The following PRR35 variants were observed in gnomAD, a reference collection of about 807,000 sequenced individuals.
PRR35 encodes proline rich 35, also known as proline-rich protein 35.
A neutral mutation model predicts 18.6 loss-of-function variants in PRR35; 14 were observed. The ratio of observed to expected loss-of-function variants is 0.75; its 90% CI spans 0.50 to 1.18. The LOEUF (loss-of-function observed/expected upper bound fraction) is 1.18, where lower values mean the gene tolerates loss of function less well. Among genes scored for constraint, PRR35 ranks in the 50% most tolerant of loss-of-function variants. The pLI, the probability that PRR35 is intolerant of heterozygous loss-of-function variation, is 0.00. For synonymous variants in PRR35, 425 were observed against 378.2 expected (o/e 1.12, Z -1.43); for missense variants, 832 against 792.2 (o/e 1.05, Z -0.60).
rs202190643 is a variant in PRR35 at position 563,341 on chromosome 16, C to T, written c.47C>T (p.Ala16Val). Reference protein sequence around the residue: ...GSCRVGTGARARSRKPKKPHY... With the variant: ...GSCRVGTGARVRSRKPKKPHY... ...TGCCGCGTGGGCACAGGGGCGAGGG[C>T]GCGGTCTCGGAAGCCCAAGAAGCCA... The change falls in exon 2 of 3, where the codon GCG becomes GTG. Residue 16 changes from alanine to valine, a missense_variant. Transcript: ENST00000409413. The T allele has an allele frequency of 1.4e-4, 229 of 1,611,794 alleles. No individual in the cohort carries two copies. The African/African-American group carries it at 2.5e-3, about 18-fold the overall frequency.
rs1386850354 is a variant in PRR35 at position 565,181 on chromosome 16, C to A, written c.1590C>A (p.Leu530=). The A allele has an allele frequency of 6.2e-7, 1 of 1,610,790 alleles. No individual in the cohort carries two copies. Among genetic ancestry groups the A allele is most frequent in the East Asian group, 2.2e-5 (1 of 44,820 alleles). Residue 530 remains leucine, a synonymous_variant, in exon 3 of 3, where the codon CTC becomes CTA. Coordinates refer to ENST00000409413, the MANE Select transcript of PRR35 (RefSeq NM_145270.3). ...ACTCCAGCGTCCCACCCCCAGGGCT[C>A]CCCCTCGCAGCCCCAGATGACCCTG... ...EADSSVPPPG[L]PLAAPDDPVI... is the part of the protein sequence containing the mutation.
chr16:560,040 G>A (rs1366601820), upstream of PRR35, among the ~76,000 whole-genome samples: 2 of 152,058 alleles, frequency 1.3e-5, no homozygotes, highest in East Asian at 3.9e-4. Context: ...ATCACGCCGC[G>A]GCGGGGACCC....
chr16:564,023 G>GC lies in PRR35; in HGVS notation c.734dup (p.Ala246GlyfsTer88). 2 of 1,586,052 alleles carry GC rather than the reference G, an allele frequency of 1.3e-6. No individual in the cohort carries two copies. Among genetic ancestry groups the GC allele is most frequent in the Non-Finnish European group, 1.7e-6 (2 of 1,170,770 alleles). Reference sequence around the variant, plus strand: ...TCCTGGCCTCGGCCAGCCCCCTGCTGCCCCCGGCCACGGCCTTCCCAGCCG... The same window carrying GC: ...TCCTGGCCTCGGCCAGCCCCCTGCTGCCCCCCGGCCACGGCCTTCCCAGCCG... On this transcript the variant is annotated frameshift_variant, in exon 2 of 3. Coordinates refer to ENST00000409413, the MANE Select transcript of PRR35 (RefSeq NM_145270.3). LOFTEE classifies it high-confidence loss of function.
chr16:561,112 T>A (rs1382931273), intron 1 of PRR35, among the ~76,000 whole-genome samples: 1 of 152,078 alleles, frequency 6.6e-6, no homozygotes, highest in African/African-American at 2.4e-5. Context: ...GGCTGCTGGC[T>A]GCCCCGGGAG....
chr16:565,479 A>G lies in PRR35; in HGVS notation c.*172A>G, dbSNP rs1237008628. 3.4e-6 allele frequency: 2 copies of G among 593,714 alleles called. No individual in the cohort carries two copies. Among genetic ancestry groups the G allele is most frequent in the East Asian group, 6.6e-5 (2 of 30,268 alleles). The allele number at this position is 593,714 out of a possible 1,614,324, so 36.8% of individuals were successfully genotyped here. On this transcript the variant is annotated 3_prime_UTR_variant, in exon 3 of 3. Transcript: ENST00000409413. ...GGGCCACACAGGGACACTGGAGGTC[A>G]CAGTTATTTATTGATCACAATTGTG...
chr16:565,192 C>A lies in PRR35; in HGVS notation c.1601C>A (p.Ala534Asp). The change falls in exon 3 of 3, where the codon GCC (alanine) becomes GAC (aspartate). Residue 534 changes from alanine (A) to aspartate (D), a missense_variant. Ala to Asp is a moderately radical substitution (Grantham distance 126). Around this residue, in one of 3 missense-constraint regions of PRR35, gnomAD observed 768 missense variants for 704.1 expected, o/e 1.09. Coordinates refer to ENST00000409413, the MANE Select transcript of PRR35 (RefSeq NM_145270.3). ...CCACCCCCAGGGCTCCCCCTCGCAG[C>A]CCCAGATGACCCTGTCATTCCTGGC... is the stretch of plus-strand genomic sequence containing the variant. Reference protein sequence around the residue: ...SVPPPGLPLAAPDDPVIPGSG... With the variant: ...SVPPPGLPLADPDDPVIPGSG... 6.2e-7 allele frequency: 1 copy of A among 1,610,944 alleles called. No individual in the cohort carries two copies. Among genetic ancestry groups the A allele is most frequent in the Non-Finnish European group, 8.5e-7 (1 of 1,179,118 alleles).
At chr16:560,158 T>C (rs2035409138), upstream of PRR35, among the ~76,000 whole-genome samples, 1 of 150,798 alleles carries the variant, frequency 6.6e-6, no homozygotes, top group Non-Finnish European at 1.5e-5. Flanking sequence ...CAGTCCGCTC[T>C]CCGTCCGCTG....
chr16:563,447 C>T lies in PRR35; in HGVS notation c.153C>T (p.His51=). 1.2e-6 allele frequency: 2 copies of T among 1,612,592 alleles called. No homozygotes were observed. Among genetic ancestry groups the T allele is most frequent in the Non-Finnish European group, 1.7e-6 (2 of 1,179,670 alleles). ...QCPFTCLEKS[H]LYNHMKYSLC... is the part of the protein sequence containing the mutation. ...CCTTCACCTGCCTGGAGAAGTCACA[C>T]CTCTACAACCACATGAAGTACAGCC... The change falls in exon 2 of 3, where the codon CAC becomes CAT. Residue 51 remains histidine (H), a synonymous_variant. Transcript: ENST00000409413.
chr16:563,680 GC>G lies in PRR35; in HGVS notation c.390del (p.Lys131SerfsTer172). ...ATCCACTCCCTGCACTGTGGCGGAG[GC>G]CCCAAGTCCAGGGCCAAGGGGTCCC... Reference protein sequence around the residue: ...ADIHSLHCGGGPKSRAKGSPG... With the variant: ...ADIHSLHCGGXPKSRAKGSPG... On this transcript the variant is annotated frameshift_variant, in exon 2 of 3. Coordinates refer to ENST00000409413, the MANE Select transcript of PRR35 (RefSeq NM_145270.3). LOFTEE classifies it high-confidence loss of function. 6.4e-7 allele frequency: 1 copy of G among 1,566,552 alleles called. No individual in the cohort carries two copies. The highest frequency in any genetic ancestry group is 8.6e-7 in the Non-Finnish European group (1 of 1,162,684).
chr16:563,172 CCT>C, intron 1 of PRR35, 82 bp from the exon 2 acceptor site: 1 of 1,305,106 alleles, frequency 7.7e-7, no homozygotes, highest in Non-Finnish European at 1.0e-6. Context: ...GGCTCCAGTC[CCT>C]GGAGCCTGGG....
chr16:564,701 GTGGCC>G lies in PRR35; in HGVS notation c.1113_1117del (p.Trp371Ter). 6.5e-7 allele frequency: 1 copy of G among 1,533,122 alleles called. No individual in the cohort carries two copies. Among genetic ancestry groups the G allele is most frequent in the Non-Finnish European group, 8.7e-7 (1 of 1,146,104 alleles). The allele number at this position is 1,533,122 out of a possible 1,614,324, so 95.0% of individuals were successfully genotyped here. ...TGCCCACCGGCTCCTCTGTGATGCT[GTGGCC>G]TGAGGACGGGGATCCAGGCGGCCCT... On this transcript the variant is annotated frameshift_variant, in exon 3 of 3. Transcript: ENST00000409413. LOFTEE classifies it low-confidence loss of function (END_TRUNC).
intron 2 of PRR35, 64 bp downstream of exon 2, chr16:564,440 T>C (rs2035497014): frequency 6.4e-7 from 1 of 1,560,228 alleles, no homozygotes; most frequent in Non-Finnish European, 8.6e-7. Flanking sequence ...GGCATGGCGG[T>C]TGGGCGGCTG....
At position 563,503 on chromosome 16, in the gene PRR35, A is replaced by G; in HGVS notation, c.209A>G (p.Asp70Gly). ...AAGGACTCCCTGTCCCTGCTGCTAG[A>G]CTCCCCAGACTGGGCGTGCCGCCGT... ...LCKDSLSLLLDSPDWACRRGS... is the reference protein window; with the variant it reads ...LCKDSLSLLLGSPDWACRRGS... Residue 70 changes from aspartate (D) to glycine (G), a missense_variant, in exon 2 of 3, where the codon GAC becomes GGC. This residue lies in a region of PRR35 where 768 missense variants were observed against 704.1 expected (regional missense o/e 1.09). Coordinates refer to ENST00000409413, the MANE Select transcript of PRR35 (RefSeq NM_145270.3). 6.2e-7 allele frequency: 1 copy of G among 1,611,990 alleles called. No individual in the cohort carries two copies. Among genetic ancestry groups the G allele is most frequent in the Non-Finnish European group, 8.5e-7 (1 of 1,179,524 alleles).
chr16:564,567 C>T (rs2035499546), intron 2 of PRR35, 107 bp from the exon 3 acceptor site: 3 of 1,408,656 alleles, frequency 2.1e-6, no homozygotes, highest in Non-Finnish European at 2.8e-6. Context: ...CCAGGAGAGC[C>T]TAGGCTCTAG....
At position 564,255 on chromosome 16, in the gene PRR35, G is replaced by A; in HGVS notation, c.961G>A (p.Gly321Arg). The change falls in exon 2 of 3, where the codon GGG becomes AGG. Residue 321 changes from glycine (G) to arginine (R), a missense_variant. This residue lies in a region of PRR35 where 768 missense variants were observed against 704.1 expected (regional missense o/e 1.09). Transcript: ENST00000409413. ...PWPRVTPRDP[G>R]QEGELERAAQ... is the part of the protein sequence containing the mutation. ...GCCCCGAGTCACCCCCAGGGACCCA[G>A]GGCAGGAGGGGGAGCTGGAGCGGGC... The A allele has an allele frequency of 6.3e-7, 1 of 1,577,608 alleles. No individual in the cohort carries two copies. The highest frequency in any genetic ancestry group is 8.6e-7 in the Non-Finnish European group (1 of 1,166,838).
intron 1 of PRR35, among the ~76,000 whole-genome samples, chr16:561,986 G>A (rs913627260): frequency 6.6e-5 from 10 of 152,222 alleles, no homozygotes; most frequent in Admixed American, 2.6e-4. Flanking sequence ...GGCAGACTCC[G>A]TTCTGAGCTT....
chr16:561,460 G>A (rs914072908), intron 1 of PRR35, among the ~76,000 whole-genome samples: 7 of 152,282 alleles, frequency 4.6e-5, no homozygotes, highest in African/African-American at 9.6e-5. Context: ...GGGGGGCGGC[G>A]GGCAGGGAGA....
intron 2 of PRR35, 66 bp downstream of exon 2, chr16:564,442 G>A (rs948769589): frequency 2.1e-4 from 329 of 1,556,270 alleles, no homozygotes; most frequent in Non-Finnish European, 2.8e-4. Flanking sequence ...CATGGCGGTT[G>A]GGCGGCTGGG....
In PRR35 at chr16:565,124, C is replaced by T. The variant is rs754300114; in HGVS notation, c.1533C>T (p.Pro511=). ...TGCTGGGCCCTGCAGCGCCCCAACCCTTCTCTGGCCACACCACCAAGTGTG... is the reference window on the plus strand; with the variant it reads ...TGCTGGGCCCTGCAGCGCCCCAACCTTTCTCTGGCCACACCACCAAGTGTG... The part of the protein sequence containing the change: ...PGMLGPAAPQ[P]FSGHTTKCEA... Residue 511 remains proline (P), a synonymous_variant, in exon 3 of 3, where the codon CCC becomes CCT. Coordinates refer to ENST00000409413, the MANE Select transcript of PRR35 (RefSeq NM_145270.3). The T allele has an allele frequency of 2.5e-6, 4 of 1,604,290 alleles. No individual in the cohort carries two copies. Among genetic ancestry groups the T allele is most frequent in the Non-Finnish European group, 3.4e-6 (4 of 1,175,098 alleles).
Sources: allele counts gnomAD v4.1 joint callset (sites outside exome capture counted in the v4.1 genomes callset), GRCh38; gene constraint gnomAD v4.1.1; regional missense constraint gnomAD v4.1.1; transcripts MANE v1.5; gene names NCBI Gene and HGNC (gene_info 2026-07-23, HGNC 2026-07-21).